Variants in ANAPC7 observed in about 807,000 individuals in gnomAD.
The protein encoded by ANAPC7 is anaphase-promoting complex subunit 7.
In ANAPC7, 25 loss-of-function variants were observed where a neutral mutation model predicts 63.3. The observed-to-expected ratio is 0.39, with a 90% CI of 0.29 to 0.55. The LOEUF (loss-of-function observed/expected upper bound fraction) is 0.55, where lower values mean the gene tolerates loss of function less well. Among genes scored for constraint, ANAPC7 ranks in the 20% least tolerant of loss-of-function variants. ANAPC7 has a pLI of 0.57. For missense variants in ANAPC7, 516 were observed against 691.7 expected (o/e 0.75, Z 2.85); for synonymous variants, 241 against 251.7 (o/e 0.96, Z 0.40).
chr12:110,374,301 C>A lies in ANAPC7; in HGVS notation c.1541G>T (p.Gly514Val). The change falls in exon 11 of 11, where the codon GGG (glycine) becomes GTG (valine). Residue 514 changes from glycine to valine, a missense_variant. Coordinates refer to ENST00000455511, the MANE Select transcript of ANAPC7 (RefSeq NM_016238.3). Reference sequence around the variant, plus strand: ...CTCCTCCTTCTCCATCTTCTGCATCCCCTCTAGAGACTTCTGGTCATTGGG... The same window carrying A: ...CTCCTCCTTCTCCATCTTCTGCATCACCTCTAGAGACTTCTGGTCATTGGG... ...LDPNDQKSLE[G>V]MQKMEKEESP... 6.2e-7 allele frequency: 1 copy of A among 1,614,130 alleles called. No homozygotes were observed. The highest frequency in any genetic ancestry group is 8.5e-7 in the Non-Finnish European group (1 of 1,180,020).
At position 110,381,966 on chromosome 12, in the gene ANAPC7, A is replaced by AC; in HGVS notation, c.936-19_936-18insG. 2.0e-6 allele frequency: 3 copies of AC among 1,517,778 alleles called. No homozygotes were observed. The highest frequency in any genetic ancestry group is 2.6e-6 in the Non-Finnish European group (3 of 1,142,264). The allele number at this position is 1,517,778 out of a possible 1,614,324, so 94.0% of individuals were successfully genotyped here. On this transcript the variant is annotated intron_variant, in intron 7 of 10. Coordinates refer to ENST00000455511, the MANE Select transcript of ANAPC7 (RefSeq NM_016238.3). ...TGTGACAGCTGGAGAAAAAAAAAAA[A>AC]AAAAAAACACAAAAACCCCAGAAGT...
At chr12:110,381,636 G>T in intron 8 of ANAPC7, 116 bp downstream of exon 8, 1 of 1,084,056 alleles carries the variant, frequency 9.2e-7, no homozygotes, top group Non-Finnish European at 1.3e-6. Context: ...CGTCCGGCCA[G>T]CTTCCCCAGA....
At chr12:110,395,467 C>T (rs145983141) in intron 2 of ANAPC7, among the ~76,000 whole-genome samples, 101 of 152,020 alleles carry the variant, frequency 6.6e-4, no homozygotes, top group African/African-American at 2.4e-3. Context: ...GCCACCATGC[C>T]GTTTTGTAAA....
intron 1 of ANAPC7, among the ~76,000 whole-genome samples, chr12:110,397,317 G>A (rs1037024137): frequency 6.6e-6 from 1 of 152,142 alleles, no homozygotes; most frequent in South Asian, 2.1e-4. Flanking sequence ...CACTTTGGGA[G>A]GCTGAGGCGG....
At chr12:110,386,218 C>T (rs532505818) in intron 6 of ANAPC7, 109 bp downstream of exon 6, 2 of 1,493,002 alleles carry the variant, frequency 1.3e-6, no homozygotes, top group South Asian at 1.2e-5. Flanking sequence ...AAGTTTTATA[C>T]ACCATTTCTA....
At chr12:110,389,765 A>G (rs2137963501) in intron 3 of ANAPC7, among the ~76,000 whole-genome samples, 1 of 152,118 alleles carries the variant, frequency 6.6e-6, no homozygotes, top group Non-Finnish European at 1.5e-5. Context: ...CCCCGTCTCT[A>G]CTAAAAAATA....
chr12:110,387,590 C>T lies in ANAPC7; in HGVS notation c.674+149G>A, dbSNP rs191761851. ...ATGATTACATGATTACATTTGGGAC[C>T]ATTCAGTATAAAAGACTAACACATC... On this transcript the variant is annotated intron_variant, in intron 5 of 10. Transcript: ENST00000455511. The T allele has an allele frequency of 8.3e-4, 700 of 839,792 alleles. 6 individuals are homozygous for T. In the African/African-American group the frequency reaches 8.6e-3, roughly 10 times the overall value. The allele number at this position is 839,792 out of a possible 1,614,324, so 52.0% of individuals were successfully genotyped here. A position where few individuals can be genotyped will look rare whatever the true frequency, so the allele number is the denominator to read the frequency against.
In ANAPC7 at chr12:110,377,495, C is replaced by T. The variant is rs1412526431; in HGVS notation, c.1255G>A (p.Glu419Lys). 6.2e-7 allele frequency: 1 copy of T among 1,614,198 alleles called. No homozygotes were observed. The highest frequency in any genetic ancestry group is 8.5e-7 in the Non-Finnish European group (1 of 1,180,048). The change falls in exon 9 of 11, where the codon GAA (glutamate) becomes AAA (lysine). Residue 419 changes from glutamate (E) to lysine (K), a missense_variant. Physicochemically the swap from Glu to Lys is moderately conservative, Grantham distance 56. Around this residue, in one of 4 missense-constraint regions of ANAPC7, gnomAD observed 122 missense variants for 212.0 expected, o/e 0.58. Transcript: ENST00000455511. ...TLTLLATVCL[E>K]DPVTQEKAKT... ...GCTTTCTCCTGTGTCACTGGGTCTTCAAGACAAACGGTGGCTAAAAGGGTA... is the reference window on the plus strand; with the variant it reads ...GCTTTCTCCTGTGTCACTGGGTCTTTAAGACAAACGGTGGCTAAAAGGGTA...
At position 110,382,441 on chromosome 12, in the gene ANAPC7, TAAAAAAAAAA is replaced by T. The variant is rs137996217; in HGVS notation, c.935+392_935+401del. 3.6e-4 allele frequency among the ~76,000 whole-genome samples: 19 copies of T among 53,062 alleles called. 1 individual carries two copies. The highest frequency in any genetic ancestry group is 9.3e-4 in the African/African-American group (12 of 12,962). 34.8% of individuals were successfully genotyped at this position (53,062 alleles called of 152,430 possible). A position where few individuals can be genotyped will look rare whatever the true frequency, so the allele number is the denominator to read the frequency against. ...TTGAATCCAGGGCTGATTATCCTTTTAAAAAAAAAAAAAAAAAAAAATATATATATATATA... is the reference window on the plus strand; with the variant it reads ...TTGAATCCAGGGCTGATTATCCTTTTAAAAAAAAAAATATATATATATATA... On this transcript the variant is annotated intron_variant, in intron 7 of 10. Transcript: ENST00000455511.
At chr12:110,382,461 A>AATATATATAT (rs66967302) in intron 7 of ANAPC7, among the ~76,000 whole-genome samples, 43 of 30,836 alleles carry the variant, frequency 1.4e-3, no homozygotes, top group Non-Finnish European at 1.8e-3. Flanking sequence ...AAAAAAAAAA[A>AATATATATAT]ATATATATAT....
At chr12:110,380,049 G>A (rs1489484726) in intron 8 of ANAPC7, among the ~76,000 whole-genome samples, 1 of 152,148 alleles carries the variant, frequency 6.6e-6, no homozygotes, top group Non-Finnish European at 1.5e-5. Flanking sequence ...AGATGGCCAC[G>A]AAAAAGAATA....
At chr12:110,403,268 T>C (rs143236660) in intron 1 of ANAPC7, among the ~76,000 whole-genome samples, 3 of 152,280 alleles carry the variant, frequency 2.0e-5, no homozygotes, top group Admixed American at 6.5e-5. Context: ...AACCCTCGCC[T>C]GGGTCGTCCT....
chr12:110,375,454 T>G (rs1881180259), intron 10 of ANAPC7: 1 of 985,240 alleles, frequency 1.0e-6, no homozygotes, highest in African/African-American at 1.7e-5. Context: ...CAGACAACCC[T>G]CAAAGAAACC....
intron 8 of ANAPC7, among the ~76,000 whole-genome samples, chr12:110,381,240 T>C (rs1305862161): frequency 1.3e-5 from 2 of 152,076 alleles, no homozygotes; most frequent in Non-Finnish European, 2.9e-5. Context: ...CCTCCAAAAA[T>C]ATCGATGTCT....
Position 110,403,528 on chromosome 12 carries a change from G to C in ANAPC7, c.100C>G (p.Pro34Ala). The part of the protein sequence containing the change: ...SLLLTMSNNN[P>A]ELFSPPQKYQ... ...AGGCAGCTACCCGCCTCAACTCACG[G>C]GTTGTTATTACTCATTGTAAGTAAC... is the stretch of plus-strand genomic sequence containing the variant. Residue 34 changes from proline to alanine, a missense_variant and splice_region_variant, in exon 1 of 11, where the codon CCT becomes GCT. Pro to Ala is a conservative substitution (Grantham distance 27). Coordinates refer to ENST00000455511, the MANE Select transcript of ANAPC7 (RefSeq NM_016238.3). 6.3e-7 allele frequency: 1 copy of C among 1,598,124 alleles called. No homozygotes were observed. Among genetic ancestry groups the C allele is most frequent in the Non-Finnish European group, 8.5e-7 (1 of 1,173,274 alleles).
chr12:110,388,359 T>C (rs1473185647), intron 4 of ANAPC7, among the ~76,000 whole-genome samples, 153 bp downstream of exon 4: 1 of 152,184 alleles, frequency 6.6e-6, no homozygotes, highest in Non-Finnish European at 1.5e-5. Flanking sequence ...TAAGTATTTC[T>C]TGATTGAATA....
chr12:110,395,298 T>C, intron 2 of ANAPC7, 78 bp from the exon 3 acceptor site: 1 of 1,427,616 alleles, frequency 7.0e-7, no homozygotes, highest in Non-Finnish European at 9.5e-7. Context: ...AACATAGAGT[T>C]ATCATATGAC....
chr12:110,392,716 T>C (rs947661712), intron 3 of ANAPC7, among the ~76,000 whole-genome samples: 3 of 152,230 alleles, frequency 2.0e-5, no homozygotes, highest in South Asian at 4.1e-4. Flanking sequence ...AGCTCACAAA[T>C]TGGTAACTTG....
At position 110,377,898 on chromosome 12, in the gene ANAPC7, C is replaced by A; in HGVS notation, c.1133-281G>T. ...GTAAGGAACCTGCAGCATGTGAGCA[C>A]CCCATCTGACCACTGGAAGAATAAA... On this transcript the variant is annotated intron_variant, in intron 8 of 10. Transcript: ENST00000455511. 4 of 1,039,548 alleles carry A rather than the reference C, an allele frequency of 3.8e-6. No individual in the cohort carries two copies. In the South Asian group the frequency reaches 7.9e-5, roughly 21 times the overall value. The allele number at this position is 1,039,548 out of a possible 1,614,324, so 64.4% of individuals were successfully genotyped here.
Sources: gnomAD v4.1 joint callset for allele counts (sites outside exome capture counted in the v4.1 genomes callset) on GRCh38, gnomAD v4.1.1 for gene constraint, gnomAD v4.1.1 regional missense constraint, MANE v1.5 for transcripts, NCBI Gene and HGNC (gene_info 2026-07-23, HGNC 2026-07-21) for gene names.